CBX3: variants seen among roughly 807,000 people sequenced by gnomAD.
The protein encoded by CBX3 is chromobox 3.
CBX3 carries 5 observed loss-of-function variants against 22.6 expected under a neutral mutation model. The ratio of observed to expected loss-of-function variants is 0.22; its 90% CI spans 0.12 to 0.47. CBX3 has a LOEUF of 0.47. Ranked by LOEUF, CBX3 falls within the 20% of genes least tolerant of loss-of-function variation. The pLI is 0.99. For missense variants in CBX3, 83 were observed against 208.1 expected (o/e 0.40, Z 3.70); for synonymous variants, 50 against 66.6 (o/e 0.75, Z 1.21).
At chr7:26,209,710 G>A (rs1210859026) in intron 4 of CBX3, among the ~76,000 whole-genome samples, 2 of 152,018 alleles carry the variant, frequency 1.3e-5, no homozygotes, top group Non-Finnish European at 2.9e-5. Flanking sequence ...TGTCTCTGTG[G>A]CGTCAGGCAA....
chr7:26,203,154 G>A, intron 2 of CBX3, 132 bp downstream of exon 2: 1 of 700,918 alleles, frequency 1.4e-6, no homozygotes, highest in Non-Finnish European at 2.5e-6. Context: ...TAAATTACAG[G>A]GGAAAATTAA....
At chr7:26,209,916 A>G (rs1784766672) in intron 4 of CBX3, 1 of 152,214 alleles carries the variant, frequency 6.6e-6, no homozygotes, top group African/African-American at 2.4e-5. Flanking sequence ...GTATAAGGTC[A>G]TAGGTATAAT....
At chr7:26,205,256 G>A (rs1784649111) in intron 2 of CBX3, among the ~76,000 whole-genome samples, 1 of 152,062 alleles carries the variant, frequency 6.6e-6, no homozygotes, top group Non-Finnish European at 1.5e-5. Context: ...GAAAGAGCTG[G>A]TTCACGTTGG....
chr7:26,201,851 C>T (rs891257991), intron 1 of CBX3, 25 bp downstream of exon 1: 2 of 105,208 alleles, frequency 1.9e-5, no homozygotes, highest in African/African-American at 3.4e-5. Flanking sequence ...TTCTCTCTAG[C>T]TCTCGCTCGC....
intron 4 of CBX3, among the ~76,000 whole-genome samples, chr7:26,208,901 A>G (rs1224397154): frequency 5.3e-5 from 6 of 112,226 alleles, no homozygotes; most frequent in African/African-American, 2.1e-4. Flanking sequence ...TGTAGGCATG[A>G]GCCACCACGC....
rs572966340 is a variant in CBX3 at position 26,203,040 on chromosome 7, T to A, written c.24+18T>A. On this transcript the variant is annotated intron_variant, in intron 2 of 5. Transcript: ENST00000396386. ...CTACATTGGTAAGTTAATGAAAACC[T>A]AAAATATGTAAGGATTTAACTCAAG... 2.4e-5 allele frequency: 35 copies of A among 1,487,628 alleles called. No individual in the cohort carries two copies. In the South Asian group the frequency reaches 4.1e-4, roughly 18 times the overall value. The allele number at this position is 1,487,628 out of a possible 1,614,324, so 92.2% of individuals were successfully genotyped here. A position where few individuals can be genotyped will look rare whatever the true frequency, so the allele number is the denominator to read the frequency against.
chr7:26,201,632 G>C (rs1479033335), upstream of CBX3: 1 of 147,062 alleles, frequency 6.8e-6, no homozygotes, highest in Non-Finnish European at 1.5e-5. Flanking sequence ...GCGGCGCGCG[G>C]CCCCTCCCCC....
chr7:26,204,685 C>T (rs1321183469), intron 2 of CBX3, among the ~76,000 whole-genome samples: 1 of 152,150 alleles, frequency 6.6e-6, no homozygotes, highest in African/African-American at 2.4e-5. Context: ...CCTTCTGTAG[C>T]CTTGAGGTGT....
rs1784845367 is a variant in CBX3 at position 26,213,031 on chromosome 7, C to T, written c.*823C>T. The T allele has an allele frequency of 6.6e-6, 1 of 152,292 alleles. No homozygotes were observed. The highest frequency in any genetic ancestry group is 2.1e-4 in the South Asian group (1 of 4,836). The allele number at this position is 152,292 out of a possible 1,614,324, so 9.4% of individuals were successfully genotyped here. ...CAAAATGTTGGAATCCCTGTTGCTA[C>T]ATTGACTAAAAGGTCATGATGAATG... On this transcript the variant is annotated 3_prime_UTR_variant, in exon 6 of 6. Coordinates refer to ENST00000396386, the MANE Select transcript of CBX3 (RefSeq NM_016587.4).
intron 3 of CBX3, among the ~76,000 whole-genome samples, chr7:26,207,890 A>G (rs999290630): frequency 6.6e-6 from 1 of 151,768 alleles, no homozygotes; most frequent in Non-Finnish European, 1.5e-5. Context: ...ATTTGGGTTT[A>G]CTAATTTGGA....
At chr7:26,211,589 T>G (rs1784804138) in intron 4 of CBX3, 73 bp from the exon 5 acceptor site, 1 of 940,192 alleles carries the variant, frequency 1.1e-6, no homozygotes, top group East Asian at 2.5e-5. Flanking sequence ...ATTGGAATGT[T>G]TTTATTTAAA....
intron 3 of CBX3, 39 bp downstream of exon 3, chr7:26,206,549 G>C: frequency 6.3e-7 from 1 of 1,592,772 alleles, no homozygotes; most frequent in Non-Finnish European, 8.6e-7. Context: ...ATGTTTAACT[G>C]CAGCTAAGTG....
intron 1 of CBX3, chr7:26,202,590 AT>A: frequency 5.3e-6 from 1 of 187,740 alleles, no homozygotes; most frequent in South Asian, 1.1e-4. Flanking sequence ...AACAGAGAAG[AT>A]TCACAGTGCT....
At chr7:26,202,232 G>A (rs1223934592) in intron 1 of CBX3, 1 of 152,058 alleles carries the variant, frequency 6.6e-6, no homozygotes, top group Admixed American at 6.6e-5. Context: ...GCGCGCGGCC[G>A]GCTGTCCCGA....
At chr7:26,207,504 G>C (rs1350785282) in intron 3 of CBX3, among the ~76,000 whole-genome samples, 1 of 152,080 alleles carries the variant, frequency 6.6e-6, no homozygotes, top group Non-Finnish European at 1.5e-5. Flanking sequence ...CAGTGTAACA[G>C]GTAATGTAAA....
chr7:26,203,044 A>C, intron 2 of CBX3, 22 bp downstream of exon 2: 1 of 1,576,858 alleles, frequency 6.3e-7, no homozygotes, highest in South Asian at 1.1e-5. Flanking sequence ...AAAACCTAAA[A>C]TATGTAAGGA....
intron 2 of CBX3, among the ~76,000 whole-genome samples, chr7:26,205,072 A>T (rs925688960): frequency 2.0e-5 from 3 of 152,228 alleles, no homozygotes; most frequent in Admixed American, 6.5e-5. Flanking sequence ...TACAGGCATG[A>T]GCCACTGCCC....
chr7:26,201,652 C>G (rs1400028278), upstream of CBX3: 2 of 141,164 alleles, frequency 1.4e-5, no homozygotes, highest in East Asian at 2.1e-4. Flanking sequence ...CCGCCGGGCG[C>G]GCGCCCGCTG....
At chr7:26,210,566 A>C (rs1297463535) in intron 4 of CBX3, 3 of 152,204 alleles carry the variant, frequency 2.0e-5, no homozygotes, top group Admixed American at 6.5e-5. Context: ...GACAGGAATA[A>C]AGGATTTATT....
Sources: gnomAD v4.1 joint callset for allele counts (sites outside exome capture counted in the v4.1 genomes callset) on GRCh38, gnomAD v4.1.1 for gene constraint, MANE v1.5 for transcripts, NCBI Gene and HGNC (gene_info 2026-07-23, HGNC 2026-07-21) for gene names.